The following TJP1 variants were observed in gnomAD, a reference collection of about 807,000 sequenced individuals.
TJP1 encodes tight junction protein 1, also known as tight junction protein ZO-1.
TJP1 carries 43 observed loss-of-function variants against 194.2 expected under a neutral mutation model. The observed-to-expected ratio is 0.22, with a 90% CI of 0.17 to 0.29. The LOEUF (loss-of-function observed/expected upper bound fraction) is 0.29, where lower values mean the gene tolerates loss of function less well. Among genes scored for constraint, TJP1 ranks in the 10% least tolerant of loss-of-function variants. The pLI is 1.00. For missense variants in TJP1, 1,971 were observed against 2,185.7 expected, an observed-to-expected ratio of 0.90 and a Z score of 1.96; for synonymous variants, 801 against 779.0, an observed-to-expected ratio of 1.03 and a Z score of -0.47.
chr15:29,758,363 C>T (rs533026542), intron 8 of TJP1, among the ~76,000 whole-genome samples: 1 of 151,848 alleles, frequency 6.6e-6, no homozygotes, highest in Non-Finnish European at 1.5e-5. Flanking sequence ...ACTGGTGCTA[C>T]CCATGAAAAT....
intron 2 of TJP1, among the ~76,000 whole-genome samples, chr15:29,888,421 T>C (rs537506378): frequency 3.9e-5 from 6 of 152,242 alleles, no homozygotes; most frequent in South Asian, 4.1e-4. Flanking sequence ...AAAGAAGGCA[T>C]TGAGGCTAAG....
At chr15:29,934,446 T>C (rs904517520) in intron 2 of TJP1, among the ~76,000 whole-genome samples, 4 of 152,210 alleles carry the variant, frequency 2.6e-5, no homozygotes, top group African/African-American at 9.7e-5. Context: ...AAGTTTATAT[T>C]GAGGTTGCCC....
At chr15:29,729,950 T>C (rs2043511122) in intron 15 of TJP1, among the ~76,000 whole-genome samples, 1 of 151,930 alleles carries the variant, frequency 6.6e-6, no homozygotes, top group South Asian at 2.1e-4. Flanking sequence ...AGGATTTAAA[T>C]CCTTTGGGAA....
chr15:29,749,261 T>C (rs1475654971), intron 8 of TJP1, among the ~76,000 whole-genome samples: 2 of 152,074 alleles, frequency 1.3e-5, no homozygotes, highest in African/African-American at 4.8e-5. Flanking sequence ...AAAGATGGAC[T>C]GGAAAGGAGT....
chr15:29,748,749 CTTG>C (rs1264095756), intron 8 of TJP1, among the ~76,000 whole-genome samples: 2 of 151,610 alleles, frequency 1.3e-5, no homozygotes, highest in Non-Finnish European at 2.9e-5. Context: ...ACTTTTTCTA[CTTG>C]TTGTAGAGAT....
At chr15:29,963,892 T>A (rs1041017872) in intron 1 of TJP1, among the ~76,000 whole-genome samples, 2 of 152,192 alleles carry the variant, frequency 1.3e-5, no homozygotes, top group African/African-American at 4.8e-5. Flanking sequence ...GACCTTGTAA[T>A]CTGCCCGCCT....
intron 2 of TJP1, among the ~76,000 whole-genome samples, chr15:29,921,439 A>G (rs114851975): frequency 0.014 from 2,129 of 151,982 alleles, 49 homozygotes; most frequent in African/African-American, 0.048. Context: ...TTCCCTGCAA[A>G]CCTGCAGGGC....
chr15:29,900,200 T>C (rs1004191), intron 2 of TJP1, among the ~76,000 whole-genome samples: 15,974 of 151,810 alleles, frequency 0.11, 1,062 homozygotes, highest in East Asian at 0.25. Flanking sequence ...GGGGCAGGAG[T>C]GTGCTGGGCA....
At chr15:29,913,719 G>A (rs1159679989) in intron 2 of TJP1, among the ~76,000 whole-genome samples, 1 of 152,114 alleles carries the variant, frequency 6.6e-6, no homozygotes, top group Non-Finnish European at 1.5e-5. Flanking sequence ...CTAGCTTGCT[G>A]ACCTGGGAAG....
chr15:29,941,686 G>C (rs1467463374), intron 2 of TJP1, among the ~76,000 whole-genome samples: 1 of 152,064 alleles, frequency 6.6e-6, no homozygotes, highest in African/African-American at 2.4e-5. Flanking sequence ...AAGTAGCTTT[G>C]AGCACTTCGT....
At chr15:29,960,495 C>T (rs1012001635) in intron 1 of TJP1, among the ~76,000 whole-genome samples, 13 of 151,740 alleles carry the variant, frequency 8.6e-5, no homozygotes, top group African/African-American at 2.9e-4. Flanking sequence ...ACTCGCCAGG[C>T]GGGATTGCAC....
intron 2 of TJP1, among the ~76,000 whole-genome samples, chr15:29,859,263 C>CTGAA (rs1160162258): frequency 6.6e-6 from 1 of 152,168 alleles, no homozygotes; most frequent in Admixed American, 6.5e-5. Context: ...TTATCTTTGA[C>CTGAA]TGATGAGACA....
At chr15:29,836,297 A>G (rs907535269) in intron 2 of TJP1, among the ~76,000 whole-genome samples, 1 of 151,110 alleles carries the variant, frequency 6.6e-6, no homozygotes, top group African/African-American at 2.4e-5. Flanking sequence ...TTTGAGAGAC[A>G]GAGTCTTGCT....
intron 1 of TJP1, among the ~76,000 whole-genome samples, chr15:29,818,914 T>C (rs1190980735): frequency 1.3e-5 from 2 of 151,930 alleles, no homozygotes; most frequent in African/African-American, 4.8e-5. Flanking sequence ...GCCTTCCAGG[T>C]TCAAGCAATT....
chr15:29,734,280 T>C lies in TJP1; in HGVS notation c.1510A>G (p.Lys504Glu), dbSNP rs1237513590. ...EEVTILAQKKKDVYRRIVESD... is the reference protein window; with the variant it reads ...EEVTILAQKKEDVYRRIVESD... ...TTTTCTGACAGCATCTCACCATCCTTCTTCTTCTGAGCCAATATGGTCACT... is the reference window on the plus strand; with the variant it reads ...TTTTCTGACAGCATCTCACCATCCTCCTTCTTCTGAGCCAATATGGTCACT... The change falls in exon 12 of 28, where the codon AAG becomes GAG. Residue 504 changes from lysine (K) to glutamate (E), a missense_variant. Physicochemically the swap from Lys to Glu is moderately conservative, Grantham distance 56 (BLOSUM62 1). Transcript: ENST00000614355. 2 of 1,604,478 alleles carry C rather than the reference T, an allele frequency of 1.2e-6. No homozygotes were observed. Among genetic ancestry groups the C allele is most frequent in the African/African-American group, 1.3e-5 (1 of 74,466 alleles).
chr15:29,953,267 G>A (rs577850889), intron 2 of TJP1, among the ~76,000 whole-genome samples: 2 of 150,640 alleles, frequency 1.3e-5, no homozygotes, highest in South Asian at 4.2e-4. Context: ...TCAGGCTCCC[G>A]AGTAGCTGTG....
intron 8 of TJP1, among the ~76,000 whole-genome samples, chr15:29,748,922 ATG>A (rs112772922): frequency 0.15 from 15,753 of 104,522 alleles, 854 homozygotes; most frequent in South Asian, 0.3. Flanking sequence ...AAGCTTAAAA[ATG>A]TGTGTGTGTG....
Position 29,761,124 on chromosome 15 carries a change from A to G in TJP1, c.1010+15T>C. ...ACAAAACCCCTGTATTTTTTAAAAA[A>G]ATAGGGTGTCTTACCTGCCATTGCT... On this transcript the variant is annotated intron_variant, in intron 8 of 27. Coordinates refer to ENST00000614355, the MANE Select transcript of TJP1 (RefSeq NM_001330239.4). 1 of 1,565,808 alleles carries G rather than the reference A, an allele frequency of 6.4e-7. No homozygotes were observed. The highest frequency in any genetic ancestry group is 8.6e-7 in the Non-Finnish European group (1 of 1,157,912).
intron 8 of TJP1, among the ~76,000 whole-genome samples, chr15:29,751,198 A>G (rs2045255027): frequency 6.6e-6 from 1 of 152,250 alleles, no homozygotes; most frequent in Non-Finnish European, 1.5e-5. Flanking sequence ...ACTTGGGAAC[A>G]AAAGGTAAAA....
Sources: gnomAD v4.1 joint callset for allele counts (sites outside exome capture counted in the v4.1 genomes callset) on GRCh38, gnomAD v4.1.1 for gene constraint, MANE v1.5 for transcripts, NCBI Gene and HGNC (gene_info 2026-07-23, HGNC 2026-07-21) for gene names.